TMTC2: variants seen among roughly 807,000 people sequenced by gnomAD.
TMTC2 encodes the protein transmembrane O-mannosyltransferase targeting cadherins 2, also known as protein O-mannosyl-transferase TMTC2.
In TMTC2, 43 loss-of-function variants were observed where a neutral mutation model predicts 82.4. The ratio of observed to expected loss-of-function variants is 0.52; its 90% CI spans 0.41 to 0.67. The LOEUF (loss-of-function observed/expected upper bound fraction) is 0.67. TMTC2 is among the 30% of genes least tolerant of loss of function. The pLI, the probability that TMTC2 is intolerant of heterozygous loss-of-function variation, is 0.00. For synonymous variants in TMTC2, 408 were observed against 381.9 expected (o/e 1.07, Z -0.80); for missense variants, 919 against 1,012.4 (o/e 0.91, Z 1.25).
At chr12:82,872,017 G>A (rs112747005) in intron 2 of TMTC2, among the ~76,000 whole-genome samples, 5,354 of 71,464 alleles carry the variant, frequency 0.075, 416 homozygotes, top group African/African-American at 0.24. Context: ...CCCCCCCCCC[G>A]CCCACACCCC....
chr12:82,944,097 CA>C (rs992160634), intron 4 of TMTC2, among the ~76,000 whole-genome samples: 2 of 152,136 alleles, frequency 1.3e-5, no homozygotes, highest in African/African-American at 4.8e-5. Context: ...ATTGAACATC[CA>C]GTGGGCAACT....
At chr12:82,715,653 G>A (rs910899054) in intron 1 of TMTC2, among the ~76,000 whole-genome samples, 1 of 152,174 alleles carries the variant, frequency 6.6e-6, no homozygotes, top group Non-Finnish European at 1.5e-5. Flanking sequence ...ACTTTAGGCA[G>A]ATAAGGAAAC....
intron 8 of TMTC2, among the ~76,000 whole-genome samples, chr12:83,000,143 T>C (rs1355114749): frequency 8.7e-5 from 1 of 11,432 alleles, no homozygotes; most frequent in Non-Finnish European, 5.6e-4. Context: ...GGCAGTCAAT[T>C]TTTTTTTTTG....
At chr12:82,819,835 T>C (rs1398268961) in intron 1 of TMTC2, among the ~76,000 whole-genome samples, 4 of 152,038 alleles carry the variant, frequency 2.6e-5, no homozygotes, top group Non-Finnish European at 1.5e-5. Context: ...TGTATTAGGG[T>C]TCTCTACAGA....
intron 1 of TMTC2, among the ~76,000 whole-genome samples, chr12:82,835,831 C>G (rs995036986): frequency 6.6e-6 from 1 of 152,130 alleles, no homozygotes; most frequent in Non-Finnish European, 1.5e-5. Flanking sequence ...CCCCCTTATG[C>G]CCCCACTTGA....
In TMTC2 at chr12:82,857,418, C is replaced by T. The variant is rs778701222; in HGVS notation, c.492C>T (p.Tyr164=). 12 of 1,614,122 alleles carry T rather than the reference C, an allele frequency of 7.4e-6. No individual in the cohort carries two copies. The highest frequency in any genetic ancestry group is 1.0e-5 in the Non-Finnish European group (12 of 1,180,050). Reference sequence around the variant, plus strand: ...TTAAACACTGTTCTACAAGAGGCTACTCAGCCAGAACCTGGGGCTGGTTCC... The same window carrying T: ...TTAAACACTGTTCTACAAGAGGCTATTCAGCCAGAACCTGGGGCTGGTTCC... The part of the protein sequence containing the change: ...CYIKHCSTRG[Y]SARTWGWFLG... The change falls in exon 2 of 12, where the codon TAC becomes TAT. Residue 164 remains tyrosine (Y), a synonymous_variant. Coordinates refer to ENST00000321196, the MANE Select transcript of TMTC2 (RefSeq NM_152588.3).
intron 9 of TMTC2, among the ~76,000 whole-genome samples, chr12:83,036,634 C>A (rs1881674951): frequency 6.6e-6 from 1 of 152,070 alleles, no homozygotes; most frequent in Non-Finnish European, 1.5e-5. Context: ...TTGAAAAGCC[C>A]AGCTCTTTCA....
chr12:82,755,843 G>A (rs954063564), intron 1 of TMTC2, among the ~76,000 whole-genome samples: 39 of 152,120 alleles, frequency 2.6e-4, no homozygotes, highest in African/African-American at 8.9e-4. Flanking sequence ...TGTTGTGGTG[G>A]TTGTTGTTAG....
chr12:82,705,916 A>G (rs1873329943), intron 1 of TMTC2, among the ~76,000 whole-genome samples: 1 of 152,208 alleles, frequency 6.6e-6, no homozygotes, highest in Admixed American at 6.5e-5. Flanking sequence ...TGAGTACATA[A>G]GAGGGGCACC....
intron 1 of TMTC2, among the ~76,000 whole-genome samples, chr12:82,776,967 C>T (rs1335231867): frequency 1.3e-5 from 2 of 152,098 alleles, no homozygotes; most frequent in Non-Finnish European, 1.5e-5. Context: ...TGAAGGTGTA[C>T]CTTAAACTGC....
At chr12:83,037,096 C>A (rs1421288201) in intron 9 of TMTC2, among the ~76,000 whole-genome samples, 1 of 152,200 alleles carries the variant, frequency 6.6e-6, no homozygotes, top group African/African-American at 2.4e-5. Flanking sequence ...CAAATTTCAA[C>A]ATGAGCTTTG....
rs555600842 is a variant in TMTC2 at position 82,870,893 on chromosome 12, C to G, written c.654+13313C>G. Among the ~76,000 whole-genome samples the G allele has an allele frequency of 4.6e-5, 7 of 152,268 alleles. 1 individual carries two copies. Among genetic ancestry groups the G allele is most frequent in the Admixed American group, 6.5e-5 (1 of 15,278 alleles). On this transcript the variant is annotated intron_variant, in intron 2 of 11. Transcript: ENST00000321196. ...GAGAAAAGGGCTGAATTTAAGTTGTCAAAGCAGCAGCCTGAAGTTTCTGGT... is the reference window on the plus strand; with the variant it reads ...GAGAAAAGGGCTGAATTTAAGTTGTGAAAGCAGCAGCCTGAAGTTTCTGGT...
chr12:83,071,756 T>C (rs1883122826), intron 11 of TMTC2, among the ~76,000 whole-genome samples: 1 of 152,186 alleles, frequency 6.6e-6, no homozygotes, highest in Non-Finnish European at 1.5e-5. Context: ...TCCCGGAATT[T>C]ATCCATCTCT....
At chr12:83,066,355 G>C (rs1882915413) in intron 11 of TMTC2, among the ~76,000 whole-genome samples, 1 of 151,838 alleles carries the variant, frequency 6.6e-6, no homozygotes, top group South Asian at 2.1e-4. Context: ...TTCTGGCAGG[G>C]AGAACTATAC....
At chr12:82,788,935 G>A (rs1878318974) in intron 1 of TMTC2, among the ~76,000 whole-genome samples, 1 of 152,084 alleles carries the variant, frequency 6.6e-6, no homozygotes, top group Non-Finnish European at 1.5e-5. Flanking sequence ...GGAGGCCAAA[G>A]CAGAGGACCA....
Position 83,022,707 on chromosome 12 carries a change from A to G in TMTC2, c.2071-8091A>G, listed in dbSNP as rs80190769. ...ACACTAGATGTCTTCTTCTCTTCTC[A>G]TCAGTCTCAAAAGATCCAGTGACTA... is the stretch of plus-strand genomic sequence containing the variant. On this transcript the variant is annotated intron_variant, in intron 8 of 11. Transcript: ENST00000321196. 3.8e-3 allele frequency among the ~76,000 whole-genome samples: 571 copies of G among 151,934 alleles called. 2 individuals carry two copies. Among genetic ancestry groups the G allele is most frequent in the Non-Finnish European group, 5.3e-3 (362 of 67,996 alleles).
intron 11 of TMTC2, among the ~76,000 whole-genome samples, chr12:83,116,577 C>A (rs1236867047): frequency 2.6e-5 from 4 of 152,180 alleles, no homozygotes; most frequent in African/African-American, 9.7e-5. Flanking sequence ...GTTCCCCATT[C>A]ATCACATCCA....
intron 11 of TMTC2, among the ~76,000 whole-genome samples, chr12:83,072,467 T>C (rs1883151773): frequency 6.6e-6 from 1 of 152,194 alleles, no homozygotes; most frequent in Non-Finnish European, 1.5e-5. Context: ...TTGAATAGAA[T>C]GTGTATTCTA....
At chr12:82,858,240 C>T (rs1228509163) in intron 2 of TMTC2, among the ~76,000 whole-genome samples, 1 of 152,202 alleles carries the variant, frequency 6.6e-6, no homozygotes, top group East Asian at 1.9e-4. Context: ...TTGAAGGCCA[C>T]AGAAGCATTT....
Sources: allele counts gnomAD v4.1 joint callset (sites outside exome capture counted in the v4.1 genomes callset), GRCh38; gene constraint gnomAD v4.1.1; transcripts MANE v1.5; gene names NCBI Gene and HGNC (gene_info 2026-07-23, HGNC 2026-07-21).